The following POLR3G variants were observed in gnomAD, a reference collection of about 807,000 sequenced individuals.
POLR3G encodes RNA polymerase III subunit G.
In POLR3G, 28 loss-of-function variants were observed where a neutral mutation model predicts 30.1. The ratio of observed to expected loss-of-function variants is 0.93; its 90% confidence interval spans 0.69 to 1.27. The LOEUF (loss-of-function observed/expected upper bound fraction) is 1.27, where lower values mean the gene tolerates loss of function less well. POLR3G is among the 50% of genes most tolerant of loss of function. The probability of loss-of-function intolerance (pLI) is 0.00; values close to 1 mark genes in which losing one functional copy is unlikely to be tolerated. For missense variants in POLR3G, 254 were observed against 264.6 expected, an observed-to-expected ratio of 0.96 and a Z score of 0.28; for synonymous variants, 79 against 82.5, an observed-to-expected ratio of 0.96 and a Z score of 0.23.
chr5:90,513,831 C>T lies in POLR3G; in HGVS notation c.*1692C>T, dbSNP rs1382398077. ...AGTAAGCCTTAGAATAGAAACCTCA[C>T]AAAAAGTTGTCATTTGCGGTTGATA... On this transcript the variant is annotated 3_prime_UTR_variant, in exon 8 of 8. Coordinates refer to ENST00000651687, the MANE Select transcript of POLR3G (RefSeq NM_006467.3). 1 of 152,162 alleles carries T rather than the reference C, an allele frequency of 6.6e-6. No individual in the cohort carries two copies. The highest frequency in any genetic ancestry group is 1.5e-5 in the Non-Finnish European group (1 of 68,016). 9.4% of individuals were successfully genotyped at this position (152,162 alleles called of 1,614,324 possible).
chr5:90,491,790 G>A (rs1436862646), intron 3 of POLR3G, among the ~76,000 whole-genome samples: 2 of 151,740 alleles, frequency 1.3e-5, no homozygotes, highest in Non-Finnish European at 2.9e-5. Flanking sequence ...CTATTCATCA[G>A]ACATTCCCCA....
chr5:90,474,415 G>A (rs1242908041), upstream of POLR3G: 2 of 875,644 alleles, frequency 2.3e-6, no homozygotes, highest in Non-Finnish European at 3.6e-6. Flanking sequence ...GAGGCGTAGA[G>A]CGAGGCGGGG....
chr5:90,483,048 G>T (rs1751224504), intron 1 of POLR3G, among the ~76,000 whole-genome samples: 1 of 151,202 alleles, frequency 6.6e-6, no homozygotes, highest in African/African-American at 2.4e-5. Context: ...GCTGAGGCAG[G>T]AGAATTGCTT....
intron 6 of POLR3G, among the ~76,000 whole-genome samples, chr5:90,503,652 A>G (rs1399265486): frequency 6.6e-6 from 1 of 152,222 alleles, no homozygotes; most frequent in African/African-American, 2.4e-5. Flanking sequence ...AATACCAATG[A>G]GTTTAGAAGA....
intron 3 of POLR3G, among the ~76,000 whole-genome samples, chr5:90,491,557 T>C (rs1394669947): frequency 1.3e-5 from 2 of 152,034 alleles, no homozygotes; most frequent in South Asian, 2.1e-4. Flanking sequence ...GCAGTTCTTA[T>C]TGTTTGTATG....
intron 5 of POLR3G, among the ~76,000 whole-genome samples, chr5:90,498,397 T>C (rs183655085): frequency 2.6e-5 from 4 of 152,222 alleles, no homozygotes; most frequent in Non-Finnish European, 2.9e-5. Context: ...ACCTAATAGG[T>C]AGTTTGTTAA....
Position 90,512,379 on chromosome 5 carries a change from G to GTT in POLR3G, c.*246_*247dup, listed in dbSNP as rs776937972. The GTT allele has an allele frequency of 5.4e-6, 2 of 373,724 alleles. No homozygotes were observed. The highest frequency in any genetic ancestry group is 4.0e-5 in the African/African-American group (2 of 49,678). 23.2% of individuals were successfully genotyped at this position (373,724 alleles called of 1,614,324 possible). A position where few individuals can be genotyped will look rare whatever the true frequency, so the allele number is the denominator to read the frequency against. On this transcript the variant is annotated 3_prime_UTR_variant, in exon 8 of 8. Transcript: ENST00000651687. ...CCATCTCTCTTATGTACTCTCATGG[G>GTT]TTTTTTTGTATGATTTGAATATGAA...
intron 3 of POLR3G, among the ~76,000 whole-genome samples, chr5:90,492,113 A>G (rs1290768217): frequency 6.6e-6 from 1 of 152,266 alleles, no homozygotes; most frequent in African/African-American, 2.4e-5. Context: ...AGAGATAGAT[A>G]GCTCTCTGGA....
rs151070761 is a variant in POLR3G at position 90,480,623 on chromosome 5, C to T, written c.-43-4902C>T. ...GTTTTCCAAACTTTTCCAGGGCCCA[C>T]CTCCAAAGATTCTGGTATGGTAGGT... On this transcript the variant is annotated intron_variant, in intron 1 of 7. Transcript: ENST00000651687. Among the ~76,000 whole-genome samples the T allele has an allele frequency of 3.9e-3, 599 of 152,268 alleles. 4 individuals are homozygous for T. The highest frequency in any genetic ancestry group is 0.014 in the African/African-American group (573 of 41,546).
intron 2 of POLR3G, among the ~76,000 whole-genome samples, chr5:90,486,492 G>A (rs181801103): frequency 8.7e-4 from 133 of 152,258 alleles, no homozygotes; most frequent in African/African-American, 3.0e-3. Flanking sequence ...CGATCTCTCC[G>A]TTCTGATGTC....
At chr5:90,502,801 C>CTTTT (rs34374200) in intron 6 of POLR3G, among the ~76,000 whole-genome samples, 7 of 142,276 alleles carry the variant, frequency 4.9e-5, no homozygotes, top group African/African-American at 1.8e-4. Context: ...TTACCTCATC[C>CTTTT]TTCTTTTTTT....
chr5:90,474,028 A>C (rs1392280610), upstream of POLR3G: 2 of 1,591,880 alleles, frequency 1.3e-6, no homozygotes, highest in South Asian at 1.1e-5. Flanking sequence ...AGGCCGCCGG[A>C]GTGGTCGAAG....
chr5:90,494,884 C>T lies in POLR3G; in HGVS notation c.248-793C>T, dbSNP rs77112004. Among the ~76,000 whole-genome samples, 955 of 151,816 alleles carry T rather than the reference C, an allele frequency of 6.3e-3. 4 individuals carry two copies. Among genetic ancestry groups the T allele is most frequent in the Non-Finnish European group, 8.9e-3 (608 of 67,936 alleles). ...AAAAAGGGTAAAAACTGTTTTTTTC[C>T]GGTATACTGAGGGTTAAAATTATTT... On this transcript the variant is annotated intron_variant, in intron 3 of 7. Coordinates refer to ENST00000651687, the MANE Select transcript of POLR3G (RefSeq NM_006467.3).
In POLR3G at chr5:90,512,083, G is replaced by T. The variant is rs776635556; in HGVS notation, c.616G>T (p.Asp206Tyr). 1 of 1,608,026 alleles carries T rather than the reference G, an allele frequency of 6.2e-7. No individual in the cohort carries two copies. The highest frequency in any genetic ancestry group is 1.1e-5 in the South Asian group (1 of 90,892). Residue 206 changes from aspartate to tyrosine, a missense_variant, in exon 8 of 8, where the codon GAT (aspartate) becomes TAT (tyrosine). Coordinates refer to ENST00000651687, the MANE Select transcript of POLR3G (RefSeq NM_006467.3). ...ENDYINSYFE[D>Y]GDDFGADSDD... is the part of the protein sequence containing the mutation. ...TGACTACATTAATTCATACTTTGAA[G>T]ATGGAGATGATTTTGGCGCAGACAG...
intron 6 of POLR3G, among the ~76,000 whole-genome samples, chr5:90,506,283 G>C (rs887693826): frequency 2.0e-5 from 3 of 152,160 alleles, no homozygotes; most frequent in African/African-American, 7.2e-5. Flanking sequence ...CATTAGAGCT[G>C]ATAAGCCCAA....
chr5:90,496,164 A>G (rs1015794112), intron 4 of POLR3G, among the ~76,000 whole-genome samples: 6 of 151,674 alleles, frequency 4.0e-5, no homozygotes, highest in Non-Finnish European at 7.4e-5. Flanking sequence ...GTAGAGACGG[A>G]GTTTCACCGT....
intron 6 of POLR3G, among the ~76,000 whole-genome samples, chr5:90,505,967 G>GC (rs1427825264): frequency 6.6e-6 from 1 of 152,104 alleles, no homozygotes; most frequent in African/African-American, 2.4e-5. Flanking sequence ...AGGTACTGTG[G>GC]CTCATGCCTG....
chr5:90,474,060 A>G (rs1209709890), upstream of POLR3G: 3 of 1,583,064 alleles, frequency 1.9e-6, no homozygotes, highest in Admixed American at 3.7e-5. Flanking sequence ...GGCCACGGCA[A>G]GCAGTGGCCG....
At chr5:90,502,136 A>G in intron 6 of POLR3G, 148 bp downstream of exon 6, 1 of 1,439,488 alleles carries the variant, frequency 6.9e-7, no homozygotes, top group Non-Finnish European at 9.1e-7. Context: ...GTAACTGGGA[A>G]GGTTTGAACT....
Sources: allele counts gnomAD v4.1 joint callset (sites outside exome capture counted in the v4.1 genomes callset), GRCh38; gene constraint gnomAD v4.1.1; transcripts MANE v1.5; gene names NCBI Gene and HGNC (gene_info 2026-07-23, HGNC 2026-07-21).